Variants in STPG2 observed in about 807,000 individuals in gnomAD.
The protein encoded by STPG2 is sperm-tail PG-rich repeat-containing protein 2.
Under a neutral mutation model 54.2 loss-of-function variants are expected in STPG2, and 56 were observed. The observed-to-expected ratio is 1.03, with a 90% confidence interval of 0.83 to 1.29. The LOEUF (loss-of-function observed/expected upper bound fraction) is 1.29, where lower values mean the gene tolerates loss of function less well. Ranked by LOEUF, STPG2 falls within the 50% of genes most tolerant of loss-of-function variation. STPG2 has a pLI of 0.00. For missense variants in STPG2, 596 were observed against 544.9 expected (o/e 1.09, Z -0.93); for synonymous variants, 200 against 181.8 (o/e 1.10, Z -0.81).
At chr4:97,483,048 C>T (rs527904494) in intron 4 of STPG2, among the ~76,000 whole-genome samples, 2 of 151,656 alleles carry the variant, frequency 1.3e-5, no homozygotes, top group Non-Finnish European at 3.0e-5. Context: ...ACAAGAACTG[C>T]TAAAAGAAAC....
chr4:98,137,371 T>C (rs779100636), intron 1 of STPG2, among the ~76,000 whole-genome samples: 1 of 151,800 alleles, frequency 6.6e-6, no homozygotes, highest in East Asian at 1.9e-4. Context: ...AAAGAAAACA[T>C]TGAAATAAAA....
chr4:98,105,103 T>C (rs1578857249), intron 5 of STPG2, among the ~76,000 whole-genome samples: 1 of 152,308 alleles, frequency 6.6e-6, no homozygotes, highest in East Asian at 1.9e-4. Context: ...ACCAATCCAG[T>C]TGTTTCTGTA....
chr4:97,498,231 T>C (rs1303547234), intron 4 of STPG2, among the ~76,000 whole-genome samples: 6 of 151,976 alleles, frequency 3.9e-5, no homozygotes, highest in Non-Finnish European at 5.9e-5. Context: ...CAAACCATGC[T>C]GACCACCTTT....
At chr4:97,462,038 T>C (rs1324152803) in intron 4 of STPG2, among the ~76,000 whole-genome samples, 4 of 152,092 alleles carry the variant, frequency 2.6e-5, no homozygotes, top group Non-Finnish European at 5.9e-5. Flanking sequence ...CTCATGAAGA[T>C]AGTCTCCTAC....
At chr4:97,669,514 C>CATCAAGTTTCAGCATGAA (rs1578467147) in intron 10 of STPG2, among the ~76,000 whole-genome samples, 3 of 104,252 alleles carry the variant, frequency 2.9e-5, no homozygotes, top group African/African-American at 8.1e-5. Flanking sequence ...AAGTTTATTG[C>CATCAAGTTTCAGCATGAA]GGCCGGGCGC....
intron 2 of STPG2, among the ~76,000 whole-genome samples, chr4:98,129,416 T>C (rs1291323515): frequency 6.6e-6 from 1 of 152,144 alleles, no homozygotes; most frequent in Non-Finnish European, 1.5e-5. Context: ...CAGGAAAATA[T>C]CTATGATGTA....
chr4:97,507,470 G>A (rs1237159814), intron 4 of STPG2, among the ~76,000 whole-genome samples: 3 of 152,050 alleles, frequency 2.0e-5, no homozygotes, highest in Non-Finnish European at 2.9e-5. Flanking sequence ...CACTTCAGTT[G>A]TTTTACAATC....
rs928270581 is a variant in STPG2 at position 97,693,968 on chromosome 4, A to G, written c.1320+18731T>C. 2.6e-5 allele frequency among the ~76,000 whole-genome samples: 4 copies of G among 152,192 alleles called. No homozygotes were observed. The South Asian group carries it at 6.2e-4, about 24-fold the overall frequency. ...AAATTAAAAGACTCTGAACTGAATGATAATAGTGACACAACCTATCAAAAC... is the reference window on the plus strand; with the variant it reads ...AAATTAAAAGACTCTGAACTGAATGGTAATAGTGACACAACCTATCAAAAC... On this transcript the variant is annotated intron_variant, in intron 10 of 10. Transcript: ENST00000295268.
At chr4:97,924,573 G>C (rs990181131) in intron 8 of STPG2, among the ~76,000 whole-genome samples, 1 of 152,070 alleles carries the variant, frequency 6.6e-6, no homozygotes, top group Non-Finnish European at 1.5e-5. Context: ...TCTTCATTAG[G>C]GGAGGTAATT....
intron 4 of STPG2, among the ~76,000 whole-genome samples, chr4:97,545,221 T>G (rs1455263244): frequency 6.6e-6 from 1 of 152,116 alleles, no homozygotes; most frequent in African/African-American, 2.4e-5. Context: ...TGATATATTC[T>G]GATTTAGTGC....
intron 5 of STPG2, 35 bp downstream of exon 5, chr4:98,105,918 G>A: frequency 1.3e-6 from 2 of 1,503,424 alleles, no homozygotes; most frequent in South Asian, 2.4e-5. Flanking sequence ...TCTTAAAATT[G>A]GGAAAATATA....
chr4:97,686,603 A>G (rs1174198181), intron 10 of STPG2, among the ~76,000 whole-genome samples: 1 of 152,124 alleles, frequency 6.6e-6, no homozygotes, highest in Non-Finnish European at 1.5e-5. Flanking sequence ...TGTAATGAGT[A>G]TTCGTTCACA....
At chr4:98,083,968 C>T (rs1352321250) in intron 5 of STPG2, among the ~76,000 whole-genome samples, 1 of 152,124 alleles carries the variant, frequency 6.6e-6, no homozygotes, top group Non-Finnish European at 1.5e-5. Context: ...ATCCTCCTAT[C>T]TCAGTCTCCC....
In STPG2 at chr4:98,019,097, C is replaced by T. The variant is rs1326474011; in HGVS notation, c.613-37779G>A. On this transcript the variant is annotated intron_variant, in intron 5 of 10. Transcript: ENST00000295268. The stretch of plus-strand genomic sequence containing the variant: ...TTTAGACATGAAGTCCTTGCCCATG[C>T]CGATGTCCTGAATGGTATTGCCTAG... 2.6e-5 allele frequency among the ~76,000 whole-genome samples: 4 copies of T among 152,216 alleles called. No homozygotes were observed. In the South Asian group the frequency reaches 6.2e-4, roughly 24 times the overall value.
intron 7 of STPG2, among the ~76,000 whole-genome samples, chr4:97,949,205 G>C (rs1429304686): frequency 6.6e-6 from 1 of 151,966 alleles, no homozygotes; most frequent in African/African-American, 2.4e-5. Flanking sequence ...TTTAAAGTTT[G>C]TTGTTGTTTT....
At chr4:97,677,015 C>A (rs1158747959) in intron 10 of STPG2, among the ~76,000 whole-genome samples, 1 of 152,020 alleles carries the variant, frequency 6.6e-6, no homozygotes, top group Non-Finnish European at 1.5e-5. Flanking sequence ...AATTTAAAGC[C>A]TTAACAAATT....
In STPG2 at chr4:98,008,500, AAGT is replaced by A. The variant is rs533918890; in HGVS notation, c.613-27185_613-27183del. 1.6e-3 allele frequency among the ~76,000 whole-genome samples: 242 copies of A among 151,090 alleles called. 2 individuals carry two copies. The highest frequency in any genetic ancestry group is 5.5e-3 in the African/African-American group (226 of 41,086). On this transcript the variant is annotated intron_variant, in intron 5 of 10. Transcript: ENST00000295268. ...TACTCACCATCATAAAAACAAACAG[AAGT>A]ATAAAAACTCACAGGTTTTATAAAT...
At chr4:97,506,688 G>A (rs968937690) in intron 4 of STPG2, among the ~76,000 whole-genome samples, 3 of 151,850 alleles carry the variant, frequency 2.0e-5, no homozygotes, top group Non-Finnish European at 4.4e-5. Context: ...GAATTGCCTA[G>A]AAAATGGCAA....
intron 1 of STPG2, among the ~76,000 whole-genome samples, chr4:98,139,322 G>T (rs982871349): frequency 6.6e-6 from 1 of 152,190 alleles, no homozygotes; most frequent in Non-Finnish European, 1.5e-5. Context: ...ACAGTGAGGG[G>T]ACAGTGGGAG....
Sources: allele counts gnomAD v4.1 joint callset (sites outside exome capture counted in the v4.1 genomes callset), GRCh38; gene constraint gnomAD v4.1.1; transcripts MANE v1.5; gene names NCBI Gene and HGNC (gene_info 2026-07-23, HGNC 2026-07-21).